EPM2A: variants seen among roughly 807,000 people sequenced by gnomAD.
The protein encoded by EPM2A is EPM2A glucan phosphatase, laforin, also known as laforin.
Under a neutral mutation model 26.5 loss-of-function variants are expected in EPM2A, and 21 were observed. The ratio of observed to expected loss-of-function variants is 0.79; its 90% CI spans 0.56 to 1.14. The LOEUF (loss-of-function observed/expected upper bound fraction) is 1.14, where lower values mean the gene tolerates loss of function less well. Ranked by LOEUF, EPM2A falls within the 50% of genes most tolerant of loss-of-function variation. EPM2A has a pLI of 0.00. For missense variants in EPM2A, 458 were observed against 440.8 expected, an observed-to-expected ratio of 1.04 and a Z score of -0.35; for synonymous variants, 217 against 177.6, an observed-to-expected ratio of 1.22 and a Z score of -1.76.
At chr6:145,577,382 A>G (rs1245759898) in intron 2 of EPM2A, among the ~76,000 whole-genome samples, 1 of 151,452 alleles carries the variant, frequency 6.6e-6, no homozygotes, top group Admixed American at 6.6e-5. Context: ...AAAAAAAAAG[A>G]GCAGGAGGGG....
intron 2 of EPM2A, 24 bp downstream of exon 2, chr6:145,686,098 C>T: frequency 2.5e-6 from 4 of 1,594,544 alleles, no homozygotes; most frequent in Non-Finnish European, 3.4e-6. Flanking sequence ...ACTTCTATGC[C>T]TATAAATATA....
intron 2 of EPM2A, chr6:145,671,105 G>C: frequency 2.0e-6 from 2 of 993,000 alleles, no homozygotes; most frequent in Non-Finnish European, 2.4e-6. Context: ...TATGTAATTA[G>C]GTCCCATTGC....
chr6:145,574,438 C>G (rs1781001473), intron 2 of EPM2A, among the ~76,000 whole-genome samples: 1 of 152,134 alleles, frequency 6.6e-6, no homozygotes, highest in Non-Finnish European at 1.5e-5. Flanking sequence ...TCCAATTATT[C>G]CCATTGTATT....
intron 1 of EPM2A, among the ~76,000 whole-genome samples, chr6:145,696,989 A>G (rs1212845601): frequency 6.6e-6 from 1 of 152,162 alleles, no homozygotes; most frequent in Non-Finnish European, 1.5e-5. Context: ...AGCCTAAGAC[A>G]ATTACTGCAC....
chr6:145,505,175 G>T (rs1252772926), intron 2 of EPM2A, among the ~76,000 whole-genome samples: 1 of 149,614 alleles, frequency 6.7e-6, no homozygotes, highest in Non-Finnish European at 1.5e-5. Context: ...CAGTGCACCA[G>T]CATGGCACAT....
chr6:145,450,901 T>C (rs1779188006), intron 4 of EPM2A, among the ~76,000 whole-genome samples: 1 of 152,166 alleles, frequency 6.6e-6, no homozygotes, highest in African/African-American at 2.4e-5. Flanking sequence ...TCTTTTTTTT[T>C]TCTTTTTTTA....
Position 145,609,954 on chromosome 6 carries a change from T to C in EPM2A, c.340+25291A>G, listed in dbSNP as rs186755013. On this transcript the variant is annotated intron_variant, in intron 2 of 3. Coordinates refer to the EPM2A transcript ENST00000450221. Reference sequence around the variant, plus strand: ...TTTTTGGGCCAGGCGCAGTGGCTCATGCCTGTAATCCCAGCACTTTGGGAG... The same window carrying C: ...TTTTTGGGCCAGGCGCAGTGGCTCACGCCTGTAATCCCAGCACTTTGGGAG... Among the ~76,000 whole-genome samples the C allele has an allele frequency of 4.3e-3, 650 of 152,284 alleles. 5 individuals are homozygous for C. The highest frequency in any genetic ancestry group is 0.013 in the African/African-American group (561 of 41,566).
intron 1 of EPM2A, among the ~76,000 whole-genome samples, chr6:145,727,820 A>G (rs550500970): frequency 6.6e-6 from 1 of 152,308 alleles, no homozygotes; most frequent in South Asian, 2.1e-4. Flanking sequence ...TGGCCTAAAT[A>G]AAGCACTTTC....
At chr6:145,419,361 G>A (rs1291380718) in intron 4 of EPM2A, among the ~76,000 whole-genome samples, 1 of 152,044 alleles carries the variant, frequency 6.6e-6, no homozygotes, top group Non-Finnish European at 1.5e-5. Flanking sequence ...TTGAGTTGAT[G>A]AGAACTTTTT....
intron 4 of EPM2A, chr6:145,491,809 A>G (rs1400079217): frequency 3.8e-6 from 2 of 531,880 alleles, no homozygotes; most frequent in African/African-American, 1.9e-5. Context: ...CTTCTCCTGT[A>G]TCAATTATTT....
intron 4 of EPM2A, among the ~76,000 whole-genome samples, chr6:145,391,376 G>C (rs189383311): frequency 6.6e-6 from 1 of 152,134 alleles, no homozygotes; most frequent in Non-Finnish European, 1.5e-5. Flanking sequence ...AGTTTACAGA[G>C]GCTGTGCACT....
At chr6:145,636,642 G>A (rs972452299) in intron 2 of EPM2A, 3 of 148,440 alleles carry the variant, frequency 2.0e-5, no homozygotes, top group African/African-American at 7.9e-5. Context: ...AACCAAAAAA[G>A]AAGCTGGCGC....
rs80020189 is a variant in EPM2A at position 145,448,647 on chromosome 6, A to C, written c.555+53875T>G. Among the ~76,000 whole-genome samples, 253 of 152,310 alleles carry C rather than the reference A, an allele frequency of 1.7e-3. 1 individual carries two copies. The highest frequency in any genetic ancestry group is 5.9e-3 in the African/African-American group (245 of 41,584). ...ACAATAATTTGGTGCTCAATCAGCT[A>C]CATCTACAGCTAGACCATAAGCCAA... On this transcript the variant is annotated intron_variant, in intron 4 of 4. Coordinates refer to the EPM2A transcript ENST00000638717.
chr6:145,633,220 C>T (rs990631318), intron 3 of EPM2A, among the ~76,000 whole-genome samples: 7 of 152,152 alleles, frequency 4.6e-5, no homozygotes, highest in Admixed American at 2.6e-4. Context: ...CTCCCAGCCT[C>T]GTCTCACATC....
intron 4 of EPM2A, among the ~76,000 whole-genome samples, chr6:145,419,188 C>CT (rs1050162846): frequency 2.0e-5 from 3 of 150,542 alleles, no homozygotes; most frequent in Non-Finnish European, 3.0e-5. Flanking sequence ...TGTCCCCCCC[C>CT]CCCGCTCCTT....
At chr6:145,595,262 C>T (rs1781326986) in intron 2 of EPM2A, among the ~76,000 whole-genome samples, 1 of 151,656 alleles carries the variant, frequency 6.6e-6, no homozygotes, top group South Asian at 2.1e-4. Context: ...GAAATCAGAA[C>T]CATCTTGCTT....
intron 4 of EPM2A, among the ~76,000 whole-genome samples, chr6:145,483,403 C>T (rs141030114): frequency 9.3e-4 from 140 of 151,252 alleles, no homozygotes; most frequent in African/African-American, 3.2e-3. Flanking sequence ...TTTCTCCCTG[C>T]TTAAAACAAA....
intron 1 of EPM2A, among the ~76,000 whole-genome samples, chr6:145,696,740 T>C (rs1299333083): frequency 6.6e-5 from 10 of 151,088 alleles, no homozygotes; most frequent in Admixed American, 5.3e-4. Context: ...AGTATGATCC[T>C]AGTAATGAAT....
chr6:145,622,173 T>C (rs1027968842), downstream of EPM2A, among the ~76,000 whole-genome samples: 5 of 152,180 alleles, frequency 3.3e-5, no homozygotes, highest in African/African-American at 1.2e-4. Flanking sequence ...GTAATGTTGG[T>C]ATAATGCCTG....
Sources: gnomAD v4.1 joint callset for allele counts (sites outside exome capture counted in the v4.1 genomes callset) on GRCh38, gnomAD v4.1.1 for gene constraint, MANE v1.5 for transcripts, NCBI Gene and HGNC (gene_info 2026-07-23, HGNC 2026-07-21) for gene names.